Variants in RIMS1 observed in about 807,000 individuals in gnomAD.
The protein encoded by RIMS1 is regulating synaptic membrane exocytosis 1, also known as regulating synaptic membrane exocytosis protein 1.
RIMS1 carries 83 observed loss-of-function variants against 214.1 expected under a neutral mutation model. The observed-to-expected ratio is 0.39, with a 90% CI of 0.32 to 0.47. RIMS1 has a LOEUF of 0.47. Ranked by LOEUF, RIMS1 falls within the 20% of genes least tolerant of loss-of-function variation. The pLI is 0.99. For missense variants in RIMS1, 2,050 were observed against 2,161.8 expected, an observed-to-expected ratio of 0.95 and a Z score of 1.03; for synonymous variants, 793 against 786.8, an observed-to-expected ratio of 1.01 and a Z score of -0.13.
chr6:72,040,961 G>A (rs765948683), intron 2 of RIMS1, among the ~76,000 whole-genome samples: 47 of 151,888 alleles, frequency 3.1e-4, no homozygotes, highest in Non-Finnish European at 4.3e-4. Context: ...TCTGGCGATC[G>A]TTTCAGATGT....
At chr6:72,110,550 T>C (rs2035845621) in intron 4 of RIMS1, among the ~76,000 whole-genome samples, 1 of 149,444 alleles carries the variant, frequency 6.7e-6, no homozygotes, top group East Asian at 2.0e-4. Context: ...GTACATTGAT[T>C]TTGTATCCTG....
At chr6:72,072,741 C>A (rs1433030212) in intron 2 of RIMS1, among the ~76,000 whole-genome samples, 1 of 152,198 alleles carries the variant, frequency 6.6e-6, no homozygotes, top group African/African-American at 2.4e-5. Flanking sequence ...CTAGTGTCAA[C>A]ACCACCCTTC....
chr6:71,911,616 G>T (rs1313852342), intron 1 of RIMS1, among the ~76,000 whole-genome samples: 1 of 151,982 alleles, frequency 6.6e-6, no homozygotes, highest in Non-Finnish European at 1.5e-5. Flanking sequence ...TTTCTCCATG[G>T]ATCAACTCTA....
chr6:72,353,973 A>G (rs1188321839), intron 29 of RIMS1, among the ~76,000 whole-genome samples: 1 of 152,096 alleles, frequency 6.6e-6, no homozygotes, highest in Non-Finnish European at 1.5e-5. Context: ...TAATCCCAGC[A>G]ATTTGGGAGG....
intron 2 of RIMS1, among the ~76,000 whole-genome samples, chr6:71,989,146 G>A (rs1288247389): frequency 6.6e-6 from 1 of 152,166 alleles, no homozygotes; most frequent in Non-Finnish European, 1.5e-5. Context: ...GAAGGGAGAG[G>A]AGGAGATCAT....
chr6:71,954,871 C>CCACA (rs113212281), intron 1 of RIMS1, among the ~76,000 whole-genome samples: 32,032 of 147,256 alleles, frequency 0.22, 3,485 homozygotes, highest in South Asian at 0.28. Flanking sequence ...CACACACACT[C>CCACA]CACACACACA....
At chr6:71,975,826 G>A (rs374912579) in intron 2 of RIMS1, among the ~76,000 whole-genome samples, 2 of 152,040 alleles carry the variant, frequency 1.3e-5, no homozygotes, top group East Asian at 1.9e-4. Flanking sequence ...CATATTATAT[G>A]TGTCTGTTTA....
intron 29 of RIMS1, among the ~76,000 whole-genome samples, chr6:72,385,524 A>G (rs1182486906): frequency 6.6e-6 from 1 of 152,218 alleles, no homozygotes; most frequent in Non-Finnish European, 1.5e-5. Flanking sequence ...TTTTCCTAAA[A>G]TGTTGTATAA....
intron 19 of RIMS1, chr6:72,263,223 C>T (rs1369128426): frequency 1.0e-6 from 1 of 984,758 alleles, no homozygotes. Context: ...CTAAAGAAAT[C>T]TGTATGTTTA....
At chr6:72,209,064 AAAAC>A (rs2053391424) in intron 6 of RIMS1, among the ~76,000 whole-genome samples, 1 of 152,200 alleles carries the variant, frequency 6.6e-6, no homozygotes, top group Non-Finnish European at 1.5e-5. Context: ...AACACACTGT[AAAAC>A]AAAGAATAGA....
At position 72,131,256 on chromosome 6, in the gene RIMS1, G is replaced by A. The variant is rs1421610108; in HGVS notation, c.471+31270G>A. Among the ~76,000 whole-genome samples, 3 of 152,146 alleles carry A rather than the reference G, an allele frequency of 2.0e-5. No individual in the cohort carries two copies. The East Asian group carries it at 5.8e-4, about 29-fold the overall frequency. Reference sequence around the variant, plus strand: ...GTTTCTCTCTAAAGATAAAGTAGGAGTATGATGACCTAACAACTGTGACTA... The same window carrying A: ...GTTTCTCTCTAAAGATAAAGTAGGAATATGATGACCTAACAACTGTGACTA... On this transcript the variant is annotated intron_variant, in intron 4 of 33. Coordinates refer to ENST00000521978, the MANE Select transcript of RIMS1 (RefSeq NM_014989.7).
intron 1 of RIMS1, among the ~76,000 whole-genome samples, chr6:71,926,740 A>G (rs1781689377): frequency 6.6e-6 from 1 of 152,220 alleles, no homozygotes; most frequent in Admixed American, 6.5e-5. Context: ...CTAAGTTAAC[A>G]CCAGCCTAGT....
At position 71,926,038 on chromosome 6, in the gene RIMS1, C is replaced by T. The variant is rs1309609482; in HGVS notation, c.164+38851C>T. On this transcript the variant is annotated intron_variant, in intron 1 of 33. Transcript: ENST00000521978. ...CATTTCTGCTCTCTCCCCATTTCAA[C>T]CGTTACTCTCAAAAGTCAATACACT... Among the ~76,000 whole-genome samples the T allele has an allele frequency of 3.9e-5, 6 of 152,182 alleles. No individual in the cohort carries two copies. In the South Asian group the frequency reaches 1.2e-3, roughly 32 times the overall value.
intron 26 of RIMS1, among the ~76,000 whole-genome samples, chr6:72,302,872 A>C (rs1029694801): frequency 6.6e-6 from 1 of 151,224 alleles, no homozygotes; most frequent in Non-Finnish European, 1.5e-5. Flanking sequence ...TTTTACAGTC[A>C]TATTTCATCT....
chr6:72,365,381 G>A (rs1192178816), intron 29 of RIMS1, among the ~76,000 whole-genome samples: 2 of 152,166 alleles, frequency 1.3e-5, no homozygotes, highest in African/African-American at 2.4e-5. Context: ...GTTCTGAGAG[G>A]CAGATACATT....
At chr6:72,130,272 C>G (rs2496548) in intron 4 of RIMS1, among the ~76,000 whole-genome samples, 4,031 of 152,146 alleles carry the variant, frequency 0.026, 69 homozygotes, top group Middle Eastern at 0.062. Flanking sequence ...GTGGTGTAAG[C>G]CATTCCCAGC....
intron 2 of RIMS1, among the ~76,000 whole-genome samples, chr6:71,986,348 T>C (rs1799964440): frequency 6.6e-6 from 1 of 152,144 alleles, no homozygotes; most frequent in African/African-American, 2.4e-5. Context: ...TTATTCCTCG[T>C]CTGACTGAAT....
chr6:72,223,563 G>A (rs2059207759), intron 6 of RIMS1, among the ~76,000 whole-genome samples: 1 of 152,038 alleles, frequency 6.6e-6, no homozygotes, highest in African/African-American at 2.4e-5. Flanking sequence ...GGGGAAATAA[G>A]GGTAAAAATT....
chr6:71,904,100 G>A (rs1208262860), intron 1 of RIMS1, among the ~76,000 whole-genome samples: 1 of 151,982 alleles, frequency 6.6e-6, no homozygotes, highest in Non-Finnish European at 1.5e-5. Flanking sequence ...ATAAAGAATG[G>A]CATTATTTCC....
Sources: gnomAD v4.1 joint callset for allele counts (sites outside exome capture counted in the v4.1 genomes callset) on GRCh38, gnomAD v4.1.1 for gene constraint, MANE v1.5 for transcripts, NCBI Gene and HGNC (gene_info 2026-07-23, HGNC 2026-07-21) for gene names.